Variants in SLC24A2 observed in about 807,000 individuals in gnomAD.
The protein encoded by SLC24A2 is solute carrier family 24 member 2.
Under a neutral mutation model 62.0 loss-of-function variants are expected in SLC24A2, and 36 were observed. The observed-to-expected ratio is 0.58, with a 90% CI of 0.44 to 0.77. The LOEUF (loss-of-function observed/expected upper bound fraction) is 0.77, where lower values mean the gene tolerates loss of function less well. Ranked by LOEUF, SLC24A2 falls within the 30% of genes least tolerant of loss-of-function variation. The pLI, the probability that SLC24A2 is intolerant of heterozygous loss-of-function variation, is 0.00. For missense variants in SLC24A2, 846 were observed against 817.9 expected (o/e 1.03, Z -0.42); for synonymous variants, 358 against 294.0 (o/e 1.22, Z -2.23).
At chr9:20,012,371 C>T in the SLC24A2 span, among the ~76,000 whole-genome samples, 1 of 152,148 alleles carries the variant, frequency 6.6e-6, no homozygotes, top group Non-Finnish European at 1.5e-5. Flanking sequence ...TATTCACCAT[C>T]ATGAGAACAG....
intron 7 of SLC24A2, among the ~76,000 whole-genome samples, chr9:19,571,334 G>C (rs1835830992): frequency 6.6e-6 from 1 of 152,162 alleles, no homozygotes; most frequent in Non-Finnish European, 1.5e-5. Flanking sequence ...GTTAAATGAA[G>C]AAACTTTCCT....
chr9:20,230,864 T>C, the SLC24A2 span, among the ~76,000 whole-genome samples: 10 of 152,216 alleles, frequency 6.6e-5, no homozygotes, highest in Non-Finnish European at 1.2e-4. Flanking sequence ...TTTATGGTTT[T>C]AGGTCTAACA....
At chr9:19,552,469 T>TG (rs1244057990) in intron 7 of SLC24A2, among the ~76,000 whole-genome samples, 13 of 152,198 alleles carry the variant, frequency 8.5e-5, no homozygotes, top group Non-Finnish European at 1.5e-4. Flanking sequence ...ATGGGAGCCT[T>TG]GGGGTACTGC....
chr9:20,275,927 A>G, the SLC24A2 span, among the ~76,000 whole-genome samples: 28 of 152,112 alleles, frequency 1.8e-4, no homozygotes, highest in Admixed American at 1.8e-3. Context: ...TGAGAACAGC[A>G]TGTGAAGAAA....
chr9:20,205,927 T>C, the SLC24A2 span, among the ~76,000 whole-genome samples: 870 of 152,294 alleles, frequency 5.7e-3, 9 homozygotes, highest in African/African-American at 0.02. Flanking sequence ...CTGATTTTTA[T>C]TGTTATTATA....
chr9:20,045,634 T>C, the SLC24A2 span, among the ~76,000 whole-genome samples: 2 of 152,150 alleles, frequency 1.3e-5, no homozygotes, highest in African/African-American at 4.8e-5. Context: ...GGTTTCACTA[T>C]GTTGGCCAGG....
chr9:20,215,286 A>G, the SLC24A2 span, among the ~76,000 whole-genome samples: 37 of 152,198 alleles, frequency 2.4e-4, no homozygotes. Flanking sequence ...TCACATTCAA[A>G]TACCATCACC....
the SLC24A2 span, among the ~76,000 whole-genome samples, chr9:20,231,949 T>A: frequency 3.2e-3 from 490 of 152,340 alleles, 1 homozygote; most frequent in African/African-American, 0.011. Flanking sequence ...CATGAACGGT[T>A]GTTGAATTTT....
At chr9:19,705,231 T>C (rs1820476334) in intron 2 of SLC24A2, 1 of 152,146 alleles carries the variant, frequency 6.6e-6, no homozygotes, top group Non-Finnish European at 1.5e-5. Flanking sequence ...ATAATGCAAA[T>C]AAGACATTTA....
chr9:19,707,881 C>T (rs1053482477), intron 2 of SLC24A2, among the ~76,000 whole-genome samples: 2 of 152,054 alleles, frequency 1.3e-5, no homozygotes, highest in African/African-American at 4.8e-5. Context: ...TCCTATTCAA[C>T]ATAGTGTTGG....
chr9:20,165,584 A>T, the SLC24A2 span, among the ~76,000 whole-genome samples: 2 of 151,922 alleles, frequency 1.3e-5, no homozygotes, highest in Non-Finnish European at 2.9e-5. Flanking sequence ...TTGGGTAGAC[A>T]TTTGAAAAAA....
At chr9:19,728,842 T>C (rs1821250843) in intron 2 of SLC24A2, among the ~76,000 whole-genome samples, 1 of 152,312 alleles carries the variant, frequency 6.6e-6, no homozygotes, top group South Asian at 2.1e-4. Flanking sequence ...TTGTCATTTT[T>C]ATTTGTTTGC....
rs1818248389 is a variant in SLC24A2, at chr9:19,634,120, A to ATATT, written c.931-11825_931-11822dup. Among the ~76,000 whole-genome samples the ATATT allele has an allele frequency of 2.0e-5, 3 of 151,714 alleles. No individual in the cohort carries two copies. The South Asian group carries it at 6.3e-4, about 32-fold the overall frequency. On this transcript the variant is annotated intron_variant, in intron 2 of 10. Transcript: ENST00000341998. ...GGCTTTTCCATTGCTATTATGCCCTATATTTATTTATTTATCTGTACCTCA... is the reference window on the plus strand; with the variant it reads ...GGCTTTTCCATTGCTATTATGCCCTATATTTATTTATTTATTTATCTGTACCTCA...
chr9:19,594,488 C>A (rs1389880106), intron 5 of SLC24A2, among the ~76,000 whole-genome samples: 1 of 152,130 alleles, frequency 6.6e-6, no homozygotes, highest in Non-Finnish European at 1.5e-5. Flanking sequence ...AACCAACCAA[C>A]CAACCAACCA....
At position 19,516,190 on chromosome 9, in the gene SLC24A2, A is replaced by G. The variant is rs1397390288; in HGVS notation, c.1949T>C (p.Leu650Pro). ...YFVFLVVSVL[L>P]EDRILTCPVS... is the part of the protein sequence containing the mutation. ...GGGGCATGTAAGAATTCTGTCTTCT[A>G]GGAGAACGCTCACCACCAGGAACAC... Residue 650 changes from leucine (L) to proline (P), a missense_variant, in exon 11 of 11, where the codon CTA becomes CCA. Physicochemically the swap from Leu to Pro is moderately conservative, Grantham distance 98. Coordinates refer to ENST00000341998, the MANE Select transcript of SLC24A2 (RefSeq NM_020344.4). 1.9e-6 allele frequency: 3 copies of G among 1,614,088 alleles called. No homozygotes were observed. The highest frequency in any genetic ancestry group is 1.7e-6 in the Non-Finnish European group (2 of 1,180,040).
chr9:20,222,061 C>A, the SLC24A2 span, among the ~76,000 whole-genome samples: 1 of 151,850 alleles, frequency 6.6e-6, no homozygotes, highest in Admixed American at 6.6e-5. Context: ...GGGGGCATTG[C>A]TCATTGGTAG....
chr9:19,807,103 T>C, the SLC24A2 span, among the ~76,000 whole-genome samples: 3 of 152,254 alleles, frequency 2.0e-5, no homozygotes, highest in Non-Finnish European at 1.5e-5. Context: ...TTTTCCTTTA[T>C]GTTAAAAAAG....
chr9:19,929,809 T>A, the SLC24A2 span: 45 of 152,296 alleles, frequency 3.0e-4, no homozygotes, highest in African/African-American at 1.0e-3. Context: ...GTGGGACAGA[T>A]GTAGAGGTGG....
chr9:19,901,630 C>T, the SLC24A2 span, among the ~76,000 whole-genome samples: 6 of 152,110 alleles, frequency 3.9e-5, no homozygotes, highest in South Asian at 2.1e-4. Context: ...ATGTAACATA[C>T]GACCCATGTT....
Sources: gnomAD v4.1 joint callset for allele counts (sites outside exome capture counted in the v4.1 genomes callset) on GRCh38, gnomAD v4.1.1 for gene constraint, MANE v1.5 for transcripts, NCBI Gene and HGNC (gene_info 2026-07-23, HGNC 2026-07-21) for gene names.